PARD3B: variants seen among roughly 807,000 people sequenced by gnomAD.
PARD3B encodes the protein par-3 family cell polarity regulator beta.
In PARD3B, 103 loss-of-function variants were observed where a neutral mutation model predicts 130.2. The ratio of observed to expected loss-of-function variants is 0.79; its 90% CI spans 0.67 to 0.93. The LOEUF is 0.93. Among genes scored for constraint, PARD3B ranks in the 40% least tolerant of loss-of-function variants. The pLI is 0.00. For synonymous variants in PARD3B, 583 were observed against 553.2 expected (o/e 1.05, Z -0.76); for missense variants, 1,609 against 1,499.2 (o/e 1.07, Z -1.21).
chr2:205,228,046 T>A (rs1452673260), intron 15 of PARD3B, among the ~76,000 whole-genome samples: 2 of 152,230 alleles, frequency 1.3e-5, no homozygotes, highest in Non-Finnish European at 2.9e-5. Context: ...TATATCTTAT[T>A]GTACTGTGTA....
intron 19 of PARD3B, among the ~76,000 whole-genome samples, chr2:205,411,335 T>C (rs2046589921): frequency 1.3e-5 from 2 of 152,162 alleles, no homozygotes; most frequent in Non-Finnish European, 2.9e-5. Flanking sequence ...CAAGTGATTG[T>C]CATTTATAGC....
At chr2:204,746,446 G>C (rs930505874) in intron 2 of PARD3B, among the ~76,000 whole-genome samples, 2 of 151,946 alleles carry the variant, frequency 1.3e-5, no homozygotes, top group African/African-American at 4.8e-5. Flanking sequence ...AAACATACGT[G>C]TGCATGTGTC....
chr2:204,817,678 T>C (rs1448877616), intron 2 of PARD3B, among the ~76,000 whole-genome samples: 2 of 152,136 alleles, frequency 1.3e-5, no homozygotes, highest in African/African-American at 4.8e-5. Context: ...ATCCTTCCTA[T>C]GAAATGTAGC....
At chr2:204,823,766 C>T (rs547567747) in intron 2 of PARD3B, among the ~76,000 whole-genome samples, 4 of 152,104 alleles carry the variant, frequency 2.6e-5, no homozygotes, top group Admixed American at 6.5e-5. Flanking sequence ...ATGGTGAAAC[C>T]GTTTCTCTAC....
At chr2:205,307,758 C>G (rs933171629) in intron 18 of PARD3B, among the ~76,000 whole-genome samples, 2 of 152,190 alleles carry the variant, frequency 1.3e-5, no homozygotes, top group Non-Finnish European at 2.9e-5. Flanking sequence ...CCTTATGTTA[C>G]TTAAACTAAA....
rs746441263 is a variant in PARD3B, at chr2:205,615,630, C to A, written c.3435C>A (p.Pro1145=). The part of the protein sequence containing the change: ...ADLRYPQHYP[P]PPAPQHKGPF... ...TCCGGTATCCTCAGCACTACCCACCCCCGCCAGCTCCCCAGCACAAAGGAC... is the reference window on the plus strand; with the variant it reads ...TCCGGTATCCTCAGCACTACCCACCACCGCCAGCTCCCCAGCACAAAGGAC... Residue 1145 remains proline, a synonymous_variant, in exon 23 of 23, where the codon CCC becomes CCA. Transcript: ENST00000406610. 1.2e-5 allele frequency: 20 copies of A among 1,614,024 alleles called. No individual in the cohort carries two copies. Among genetic ancestry groups the A allele is most frequent in the Admixed American group, 5.0e-5 (3 of 60,000 alleles).
intron 2 of PARD3B, among the ~76,000 whole-genome samples, chr2:204,771,292 A>G (rs1299792473): frequency 6.6e-6 from 1 of 151,996 alleles, no homozygotes; most frequent in Non-Finnish European, 1.5e-5. Context: ...ACTGCCATAG[A>G]TAGTATCTAT....
chr2:204,821,505 A>T (rs999592248), intron 2 of PARD3B, among the ~76,000 whole-genome samples: 13 of 134,358 alleles, frequency 9.7e-5, no homozygotes, highest in African/African-American at 3.3e-4. Context: ...AACAATGAGA[A>T]CGCATGGACA....
chr2:204,627,975 GT>G (rs1273476190), intron 1 of PARD3B, among the ~76,000 whole-genome samples: 1 of 90,350 alleles, frequency 1.1e-5, no homozygotes, highest in Non-Finnish European at 2.6e-5. Flanking sequence ...AACACTATGA[GT>G]TTTTTTGCGT....
rs116402503 is a variant in PARD3B at position 205,050,885 on chromosome 2, T to C, written c.504+3195T>C. On this transcript the variant is annotated intron_variant, in intron 4 of 22. Coordinates refer to ENST00000406610, the MANE Select transcript of PARD3B (RefSeq NM_001302769.2). Reference sequence around the variant, plus strand: ...CCTCACATCATCTCTTGGGCAACAGTGCAATTCGGTTTGCCTGGGGCAGTC... The same window carrying C: ...CCTCACATCATCTCTTGGGCAACAGCGCAATTCGGTTTGCCTGGGGCAGTC... 3.6e-3 allele frequency among the ~76,000 whole-genome samples: 551 copies of C among 152,222 alleles called. 3 individuals are homozygous for C. The highest frequency in any genetic ancestry group is 0.012 in the African/African-American group (510 of 41,560).
At chr2:205,465,088 ATGT>A (rs1210813862) in intron 20 of PARD3B, among the ~76,000 whole-genome samples, 1 of 152,182 alleles carries the variant, frequency 6.6e-6, no homozygotes, top group Non-Finnish European at 1.5e-5. Flanking sequence ...CATGTTTTAG[ATGT>A]TGTTTTATTA....
At chr2:204,884,643 G>T (rs2046204814) in intron 2 of PARD3B, among the ~76,000 whole-genome samples, 1 of 152,026 alleles carries the variant, frequency 6.6e-6, no homozygotes, top group Non-Finnish European at 1.5e-5. Context: ...AGTGTGTGTT[G>T]TTCCCCTCTA....
chr2:205,004,427 A>G (rs1559347987), intron 3 of PARD3B, among the ~76,000 whole-genome samples: 1 of 152,178 alleles, frequency 6.6e-6, no homozygotes, highest in African/African-American at 2.4e-5. Context: ...TGAAATCTAT[A>G]TTTTATCATT....
At chr2:204,804,102 C>G (rs751183212) in intron 2 of PARD3B, among the ~76,000 whole-genome samples, 2 of 152,068 alleles carry the variant, frequency 1.3e-5, no homozygotes, top group African/African-American at 2.4e-5. Flanking sequence ...TTGGCATGTG[C>G]CTGTAGTACC....
At chr2:204,910,435 T>C (rs1041178675) in intron 2 of PARD3B, among the ~76,000 whole-genome samples, 8 of 152,128 alleles carry the variant, frequency 5.3e-5, no homozygotes, top group Non-Finnish European at 1.2e-4. Context: ...AGGTAAAAGA[T>C]ATATTTTGAT....
intron 1 of PARD3B, among the ~76,000 whole-genome samples, chr2:204,685,675 A>C (rs2037041044): frequency 6.6e-6 from 1 of 152,206 alleles, no homozygotes; most frequent in African/African-American, 2.4e-5. Context: ...GTGAGGCTGC[A>C]TGCTGAACAT....
intron 3 of PARD3B, among the ~76,000 whole-genome samples, chr2:205,045,751 C>T (rs1345770686): frequency 6.6e-6 from 1 of 151,708 alleles, no homozygotes; most frequent in African/African-American, 2.4e-5. Context: ...CGCACACATA[C>T]ACTCTCTCTC....
intron 22 of PARD3B, among the ~76,000 whole-genome samples, chr2:205,566,799 G>A (rs138676381): frequency 2.6e-5 from 4 of 152,198 alleles, no homozygotes; most frequent in Admixed American, 2.6e-4. Context: ...ACAAATAAAG[G>A]CAGGTCGACA....
intron 1 of PARD3B, among the ~76,000 whole-genome samples, chr2:204,658,493 T>C (rs2035705760): frequency 6.6e-6 from 1 of 152,206 alleles, no homozygotes; most frequent in Admixed American, 6.5e-5. Flanking sequence ...CTTCATTGTT[T>C]GCAGCCATCA....
Sources: allele counts gnomAD v4.1 joint callset (sites outside exome capture counted in the v4.1 genomes callset), GRCh38; gene constraint gnomAD v4.1.1; transcripts MANE v1.5; gene names NCBI Gene and HGNC (gene_info 2026-07-23, HGNC 2026-07-21).